The following PHF21A variants were observed in gnomAD, a reference collection of about 807,000 sequenced individuals.
PHF21A encodes PHD finger protein 21A.
In PHF21A, 11 loss-of-function variants were observed where a neutral mutation model predicts 82.5. The ratio of observed to expected loss-of-function variants is 0.13; its 90% CI spans 0.08 to 0.22. The LOEUF is 0.22. Among genes scored for constraint, PHF21A ranks in the 10% least tolerant of loss-of-function variants. The pLI, the probability that PHF21A is intolerant of heterozygous loss-of-function variation, is 1.00. For synonymous variants in PHF21A, 297 were observed against 302.8 expected (o/e 0.98, Z 0.20); for missense variants, 579 against 837.8 (o/e 0.69, Z 3.81).
At chr11:46,020,773 ATTATTC>A (rs1170915786) in intron 6 of PHF21A, among the ~76,000 whole-genome samples, 3 of 152,212 alleles carry the variant, frequency 2.0e-5, no homozygotes, top group African/African-American at 7.2e-5. Flanking sequence ...GTTGAAAAAC[ATTATTC>A]TTAAACTAAG....
At position 46,079,492 on chromosome 11, in the gene PHF21A, A is replaced by G. The variant is rs551568347; in HGVS notation, c.55-326T>C. On this transcript the variant is annotated intron_variant, in intron 4 of 18. Coordinates refer to ENST00000676320, the MANE Select transcript of PHF21A (RefSeq NM_001352027.3). Reference sequence around the variant, plus strand: ...CCAAGCATCCCTTTCAAATGTTGTCAATGTCTAGAGTCCCAAACAAGGCCT... The same window carrying G: ...CCAAGCATCCCTTTCAAATGTTGTCGATGTCTAGAGTCCCAAACAAGGCCT... Among the ~76,000 whole-genome samples the G allele has an allele frequency of 2.4e-4, 37 of 152,356 alleles. 1 individual carries two copies. The highest frequency in any genetic ancestry group is 7.9e-4 in the African/African-American group (33 of 41,584).
chr11:46,005,652 C>T (rs1415963691), intron 6 of PHF21A, among the ~76,000 whole-genome samples: 1 of 152,088 alleles, frequency 6.6e-6, no homozygotes, highest in Non-Finnish European at 1.5e-5. Context: ...ATGTGAACTG[C>T]CTTATACTGG....
intron 6 of PHF21A, among the ~76,000 whole-genome samples, chr11:46,014,252 AG>A (rs2095470379): frequency 6.6e-6 from 1 of 152,204 alleles, no homozygotes. Flanking sequence ...CTTATAAATG[AG>A]AACATATAAT....
intron 6 of PHF21A, among the ~76,000 whole-genome samples, chr11:46,017,066 G>A (rs143956160): frequency 0.026 from 4,017 of 151,954 alleles, 80 homozygotes; most frequent in South Asian, 0.041. Context: ...TGCCTCCCAG[G>A]TTCCAGCGAT....
In PHF21A at chr11:45,973,750, C is replaced by A. The variant is rs11038731; in HGVS notation, c.361-2383G>T. On this transcript the variant is annotated intron_variant, in intron 7 of 18. Coordinates refer to ENST00000676320, the MANE Select transcript of PHF21A (RefSeq NM_001352027.3). ...CCCTTGTTTTCCATTTAAAACATGT[C>A]GATTTAAAGAACTTCTGAAGTGGTG... Among the ~76,000 whole-genome samples the A allele has an allele frequency of 1.4e-3, 207 of 152,180 alleles. 4 individuals are homozygous for A. The East Asian group carries it at 0.034, about 25-fold the overall frequency.
rs1484566005 is a variant in PHF21A at position 45,946,118 on chromosome 11, G to T, written c.1289-115C>A. Reference sequence around the variant, plus strand: ...CATTGGCTAGCATGGAAAAGGAAGTGAGGTAGCAGACAGAAGGTTAATTCA... The same window carrying T: ...CATTGGCTAGCATGGAAAAGGAAGTTAGGTAGCAGACAGAAGGTTAATTCA... On this transcript the variant is annotated intron_variant, in intron 14 of 18. Coordinates refer to ENST00000676320, the MANE Select transcript of PHF21A (RefSeq NM_001352027.3). 3.7e-6 allele frequency: 6 copies of T among 1,612,746 alleles called. No homozygotes were observed. In the African/African-American group the frequency reaches 8.0e-5, roughly 22 times the overall value.
At chr11:46,023,885 G>C (rs1013787760) in intron 6 of PHF21A, among the ~76,000 whole-genome samples, 5 of 152,198 alleles carry the variant, frequency 3.3e-5, no homozygotes, top group Non-Finnish European at 7.3e-5. Flanking sequence ...GAACCCAGGA[G>C]GCGGAGGTTG....
At position 45,971,140 on chromosome 11, in the gene PHF21A, A is replaced by T. The variant is rs745843157; in HGVS notation, c.588T>A (p.Ile196=). ...VTGPGAEAVQ[I]VAKNTVTLQV... ...CCAGAGTGACTGTGTTTTTTGCCACAATTTGGACAGCCTCTGCCCCAGGCC... is the reference window on the plus strand; with the variant it reads ...CCAGAGTGACTGTGTTTTTTGCCACTATTTGGACAGCCTCTGCCCCAGGCC... The change falls in exon 8 of 19, where the codon ATT becomes ATA. Residue 196 remains isoleucine (I), a synonymous_variant. Coordinates refer to ENST00000676320, the MANE Select transcript of PHF21A (RefSeq NM_001352027.3). 6.2e-7 allele frequency: 1 copy of T among 1,613,782 alleles called. No individual in the cohort carries two copies. Among genetic ancestry groups the T allele is most frequent in the Non-Finnish European group, 8.5e-7 (1 of 1,179,964 alleles).
intron 4 of PHF21A, among the ~76,000 whole-genome samples, chr11:46,079,428 CT>C (rs34312343): frequency 0.75 from 114,222 of 152,070 alleles, 45,259 homozygotes; most frequent in Non-Finnish European, 0.9. Context: ...GTGACAGTGG[CT>C]TCCGAAAGGA....
chr11:46,083,071 C>G (rs1408024905), intron 4 of PHF21A, among the ~76,000 whole-genome samples: 1 of 151,934 alleles, frequency 6.6e-6, no homozygotes, highest in East Asian at 1.9e-4. Context: ...ACTGGGTATT[C>G]AACACACCTC....
intron 10 of PHF21A, among the ~76,000 whole-genome samples, chr11:45,957,384 C>A (rs1397968264): frequency 6.6e-6 from 1 of 151,960 alleles, no homozygotes; most frequent in Non-Finnish European, 1.5e-5. Context: ...ATATGTTAGG[C>A]CACAAAACAA....
chr11:45,951,104 A>G lies in PHF21A; in HGVS notation c.1096-847T>C, dbSNP rs1175163758. On this transcript the variant is annotated intron_variant, in intron 11 of 18. Coordinates refer to ENST00000676320, the MANE Select transcript of PHF21A (RefSeq NM_001352027.3). Reference sequence around the variant, plus strand: ...CAGAGAGGGAAACAAATTGATTTCTATTCTTTTCTTTGCTTGCATGTGGTC... The same window carrying G: ...CAGAGAGGGAAACAAATTGATTTCTGTTCTTTTCTTTGCTTGCATGTGGTC... Among the ~76,000 whole-genome samples the G allele has an allele frequency of 2.6e-5, 4 of 152,312 alleles. 1 individual carries two copies. The highest frequency in any genetic ancestry group is 2.6e-4 in the Admixed American group (4 of 15,300).
intron 6 of PHF21A, among the ~76,000 whole-genome samples, chr11:46,053,981 T>C (rs1592563448): frequency 6.6e-6 from 1 of 152,112 alleles, no homozygotes; most frequent in Admixed American, 6.6e-5. Flanking sequence ...CACGATTCCA[T>C]TTGGACCTTT....
At position 45,971,121 on chromosome 11, in the gene PHF21A, T is replaced by C; in HGVS notation, c.607A>G (p.Thr203Ala). ...AGGAGCAGCTGCTGGCTTACCAGAG[T>C]GACTGTGTTTTTTGCCACAATTTGG... ...AVQIVAKNTV[T>A]LQVQATPPQP... The change falls in exon 8 of 19, where the codon ACT (threonine) becomes GCT (alanine). Residue 203 changes from threonine (T) to alanine (A), a missense_variant. Thr to Ala is a moderately conservative substitution (Grantham distance 58). Transcript: ENST00000676320. 1.2e-6 allele frequency: 2 copies of C among 1,613,880 alleles called. No homozygotes were observed. Among genetic ancestry groups the C allele is most frequent in the East Asian group, 4.5e-5 (2 of 44,878 alleles).
intron 1 of PHF21A, among the ~76,000 whole-genome samples, chr11:46,119,072 C>T (rs1263609800): frequency 6.6e-6 from 1 of 150,918 alleles, no homozygotes; most frequent in East Asian, 1.9e-4. Flanking sequence ...ATCAAGTGAA[C>T]CTGTGAAAAG....
At chr11:45,965,910 T>C (rs2093407466) in intron 9 of PHF21A, among the ~76,000 whole-genome samples, 1 of 152,114 alleles carries the variant, frequency 6.6e-6, no homozygotes, top group African/African-American at 2.4e-5. Flanking sequence ...CACCCAGAAC[T>C]TGTGCACAGT....
At chr11:46,010,375 T>C (rs146271727) in intron 6 of PHF21A, among the ~76,000 whole-genome samples, 47 of 152,344 alleles carry the variant, frequency 3.1e-4, no homozygotes, top group African/African-American at 1.1e-3. Flanking sequence ...CTCGCAACAA[T>C]CTTGTGAAGA....
chr11:46,004,108 T>C (rs2095229012), intron 6 of PHF21A, among the ~76,000 whole-genome samples: 1 of 152,152 alleles, frequency 6.6e-6, no homozygotes, highest in Admixed American at 6.5e-5. Context: ...TAAAAAGATA[T>C]ACCAATGAAT....
intron 6 of PHF21A, among the ~76,000 whole-genome samples, chr11:45,994,085 C>T (rs142161748): frequency 6.6e-6 from 1 of 152,232 alleles, no homozygotes; most frequent in East Asian, 1.9e-4. Flanking sequence ...TATACTTCCT[C>T]GTCTACATAG....
Sources: gnomAD v4.1 joint callset for allele counts (sites outside exome capture counted in the v4.1 genomes callset) on GRCh38, gnomAD v4.1.1 for gene constraint, MANE v1.5 for transcripts, NCBI Gene and HGNC (gene_info 2026-07-23, HGNC 2026-07-21) for gene names.